Variants in OR3A2 observed in about 807,000 individuals in gnomAD.
OR3A2 encodes olfactory receptor family 3 subfamily A member 2.
For missense variants in OR3A2, 318 were observed against 392.8 expected, an observed-to-expected ratio of 0.81 and a Z score of 1.61; for synonymous variants, 126 against 159.3, an observed-to-expected ratio of 0.79 and a Z score of 1.57.
At chr17:3,328,700 T>C (rs1331948597) in intron 3 of OR3A2, among the ~76,000 whole-genome samples, 1 of 148,508 alleles carries the variant, frequency 6.7e-6, no homozygotes, top group East Asian at 2.0e-4. Context: ...GGGTTTGTCA[T>C]AGATAGCTCT....
chr17:3,278,127 C>T (rs767823088), exon 2 of OR3A2: 2 of 1,614,126 alleles, frequency 1.2e-6, no homozygotes, highest in East Asian at 4.5e-5. Flanking sequence ...TGAACCCAGT[C>T]TCATGTAGTT....
chr17:3,381,334 TAAA>T (rs1788109944), intron 2 of OR3A2, among the ~76,000 whole-genome samples: 1 of 150,456 alleles, frequency 6.6e-6, no homozygotes. Flanking sequence ...TTTTTTTTTT[TAAA>T]TTCTAGATCC....
chr17:3,380,412 C>T (rs2049724373), intron 2 of OR3A2, among the ~76,000 whole-genome samples: 1 of 152,138 alleles, frequency 6.6e-6, no homozygotes, highest in Non-Finnish European at 1.5e-5. Flanking sequence ...TCTCCGGGTG[C>T]TGCTTTCCCT....
chr17:3,382,241 C>T (rs1175350475), intron 2 of OR3A2, among the ~76,000 whole-genome samples: 2 of 152,118 alleles, frequency 1.3e-5, no homozygotes, highest in South Asian at 4.1e-4. Context: ...TAACAGGCAA[C>T]GGGATATTTG....
downstream of OR3A2, chr17:3,277,195 G>C (rs1353484886): frequency 1.3e-5 from 2 of 151,792 alleles, no homozygotes; most frequent in African/African-American, 4.8e-5. Flanking sequence ...CAAAGTGCTG[G>C]GATTACAGGC....
chr17:3,316,918 C>T (rs1330816446), intron 3 of OR3A2, among the ~76,000 whole-genome samples: 2 of 152,344 alleles, frequency 1.3e-5, no homozygotes, highest in Non-Finnish European at 2.9e-5. Flanking sequence ...TTTTAGCCTA[C>T]AGATCTGTTC....
At chr17:3,309,531 T>A (rs2049023857) in intron 3 of OR3A2, among the ~76,000 whole-genome samples, 1 of 152,130 alleles carries the variant, frequency 6.6e-6, no homozygotes, top group African/African-American at 2.4e-5. Context: ...GCCTGGAGAC[T>A]CACCCTACTC....
At chr17:3,348,838 A>G (rs1202632581) in intron 2 of OR3A2, among the ~76,000 whole-genome samples, 1 of 152,206 alleles carries the variant, frequency 6.6e-6, no homozygotes, top group Non-Finnish European at 1.5e-5. Flanking sequence ...ATCTCTCGGC[A>G]GAAACTCTAC....
intron 3 of OR3A2, chr17:3,292,049 A>G: frequency 6.2e-7 from 1 of 1,614,188 alleles, no homozygotes; most frequent in South Asian, 1.1e-5. Context: ...AGTAGAAGTG[A>G]TTGATCACAT....
exon 2 of OR3A2, chr17:3,277,695 C>A: frequency 2.7e-6 from 1 of 369,380 alleles, no homozygotes; most frequent in East Asian, 4.6e-5. Context: ...ACTTTGTCTA[C>A]TTTTATAGCA....
intron 2 of OR3A2, among the ~76,000 whole-genome samples, chr17:3,357,799 T>A (rs1482537642): frequency 6.6e-6 from 1 of 151,710 alleles, no homozygotes; most frequent in Non-Finnish European, 1.5e-5. Flanking sequence ...GCAATCCTCC[T>A]GCCTTGGCCT....
At chr17:3,379,147 T>C (rs943528469) in intron 2 of OR3A2, among the ~76,000 whole-genome samples, 4 of 152,134 alleles carry the variant, frequency 2.6e-5, no homozygotes, top group African/African-American at 9.7e-5. Flanking sequence ...CTAGAGAAGT[T>C]CATTCCATGG....
chr17:3,311,326 G>T lies in OR3A2; in HGVS notation c.-85+24707C>A. 1.9e-6 allele frequency: 1 copy of T among 534,764 alleles called. No homozygotes were observed. Among genetic ancestry groups the T allele is most frequent in the South Asian group, 1.4e-5 (1 of 71,620 alleles). The allele number at this position is 534,764 out of a possible 1,614,324, so 33.1% of individuals were successfully genotyped here. ...CTTTCCCCACCTCCTGGCTGGGGTG[G>T]ACTGTCACCTCTTAATAGCCATGGC... On this transcript the variant is annotated intron_variant, in intron 3 of 4. Coordinates refer to the OR3A2 transcript ENST00000573491. The surrounding 1 kb of genome is among the most constrained non-coding windows in gnomAD (Gnocchi z 4.6).
chr17:3,371,700 A>C (rs1597362780), intron 2 of OR3A2, among the ~76,000 whole-genome samples: 5 of 112,894 alleles, frequency 4.4e-5, no homozygotes, highest in African/African-American at 6.9e-5. Flanking sequence ...GGGGGTGCTG[A>C]CCCCCCCACC....
At chr17:3,347,657 G>C (rs1160229965) in intron 2 of OR3A2, among the ~76,000 whole-genome samples, 1 of 152,152 alleles carries the variant, frequency 6.6e-6, no homozygotes, top group Non-Finnish European at 1.5e-5. Flanking sequence ...TTGGACATTT[G>C]GGTTGGTTCC....
chr17:3,349,583 G>C (rs191218599), intron 2 of OR3A2, among the ~76,000 whole-genome samples: 1 of 152,012 alleles, frequency 6.6e-6, no homozygotes, highest in Admixed American at 6.6e-5. Context: ...ATTAATAATA[G>C]GAGACTTTAA....
At chr17:3,379,315 A>G (rs2049713232) in intron 2 of OR3A2, among the ~76,000 whole-genome samples, 1 of 152,150 alleles carries the variant, frequency 6.6e-6, no homozygotes, top group South Asian at 2.1e-4. Flanking sequence ...GAGGCCAATG[A>G]GGACACGACA....
rs143787279 is a variant in OR3A2, at chr17:3,303,538, G to A, written c.-84-24385C>T. Among the ~76,000 whole-genome samples the A allele has an allele frequency of 1.8e-3, 266 of 151,798 alleles. 3 individuals carry two copies. The East Asian group carries it at 0.047, about 27-fold the overall frequency. On this transcript the variant is annotated intron_variant, in intron 3 of 4. Transcript: ENST00000573491. ...AGACAGATCACGAAGCCAAGAGATC[G>A]AGATCATCCTGGCCAACATGGTGAA...
intron 3 of OR3A2, chr17:3,292,274 C>G (rs372996458): frequency 1.2e-6 from 2 of 1,614,064 alleles, no homozygotes; most frequent in Admixed American, 1.7e-5. Flanking sequence ...AGAAGAAGAG[C>G]TGGGTAAGGC....
Sources: allele counts gnomAD v4.1 joint callset (sites outside exome capture counted in the v4.1 genomes callset), GRCh38; gene constraint gnomAD v4.1.1; non-coding constraint Gnocchi (gnomAD v3.1); transcripts MANE v1.5; gene names NCBI Gene and HGNC (gene_info 2026-07-23, HGNC 2026-07-21).